The following SYT1 variants were observed in gnomAD, a reference collection of about 807,000 sequenced individuals.
SYT1 encodes the protein synaptotagmin-1.
SYT1 carries 8 observed loss-of-function variants against 44.8 expected under a neutral mutation model. The ratio of observed to expected loss-of-function variants is 0.18; its 90% CI spans 0.10 to 0.32. The LOEUF is 0.32. Among genes scored for constraint, SYT1 ranks in the 10% least tolerant of loss-of-function variants. The pLI is 1.00. For missense variants in SYT1, 286 were observed against 509.3 expected, an observed-to-expected ratio of 0.56 and a Z score of 4.22; for synonymous variants, 154 against 188.8, an observed-to-expected ratio of 0.82 and a Z score of 1.51.
intron 1 of SYT1, among the ~76,000 whole-genome samples, chr12:78,925,211 T>G (rs1405668685): frequency 6.6e-6 from 1 of 151,898 alleles, no homozygotes; most frequent in African/African-American, 2.4e-5. Flanking sequence ...TGTAATTCCC[T>G]TCTCTAATTT....
chr12:78,895,440 G>A (rs1875306908), intron 1 of SYT1, among the ~76,000 whole-genome samples: 1 of 151,548 alleles, frequency 6.6e-6, no homozygotes, highest in Non-Finnish European at 1.5e-5. Flanking sequence ...GCAGACTAAA[G>A]AAAAACACAT....
chr12:79,252,008 A>ATAGATAGATAGC (rs1167457385), intron 4 of SYT1, among the ~76,000 whole-genome samples: 1 of 151,884 alleles, frequency 6.6e-6, no homozygotes, highest in Non-Finnish European at 1.5e-5. Context: ...AGATAGATAG[A>ATAGATAGATAGC]TAATATATAG....
intron 3 of SYT1, among the ~76,000 whole-genome samples, chr12:79,187,534 A>G (rs1039559872): frequency 1.3e-5 from 2 of 152,114 alleles, no homozygotes; most frequent in Non-Finnish European, 2.9e-5. Context: ...TAATTTCCCA[A>G]TTGTAACAGT....
chr12:78,962,976 T>TA (rs967436027), intron 1 of SYT1, among the ~76,000 whole-genome samples: 1 of 152,134 alleles, frequency 6.6e-6, no homozygotes, highest in Non-Finnish European at 1.5e-5. Context: ...CCCTTGCCCC[T>TA]AGTCTCGGGC....
chr12:79,358,369 A>G (rs1377213062), intron 9 of SYT1, among the ~76,000 whole-genome samples: 1 of 152,206 alleles, frequency 6.6e-6, no homozygotes, highest in Non-Finnish European at 1.5e-5. Flanking sequence ...TTAAAAAGTC[A>G]CATTATCAGT....
chr12:79,424,306 A>G (rs1307903133), intron 9 of SYT1, among the ~76,000 whole-genome samples: 5 of 152,052 alleles, frequency 3.3e-5, no homozygotes, highest in African/African-American at 1.2e-4. Flanking sequence ...CCACAGAGAG[A>G]GCCTTTCAAA....
intron 3 of SYT1, among the ~76,000 whole-genome samples, chr12:79,206,677 G>A (rs1393236010): frequency 2.0e-5 from 3 of 152,166 alleles, no homozygotes; most frequent in Admixed American, 1.3e-4. Flanking sequence ...TGTGCAGTTA[G>A]GAATGCACAG....
rs112554917 is a variant in SYT1 at position 78,956,083 on chromosome 12, T to C, written c.-216-21716T>C. On this transcript the variant is annotated intron_variant, in intron 1 of 10. Coordinates refer to ENST00000261205, the MANE Select transcript of SYT1 (RefSeq NM_005639.3). ...AAGGTGCAGTATGAGGGTGCTTTAC[T>C]TCTCTATTGAACACAGATACTTTTT... Among the ~76,000 whole-genome samples the C allele has an allele frequency of 1.4e-3, 208 of 152,108 alleles. 1 individual carries two copies. Among genetic ancestry groups the C allele is most frequent in the Middle Eastern group, 0.01 (3 of 294 alleles).
At chr12:79,315,093 A>G (rs951271826) in intron 8 of SYT1, among the ~76,000 whole-genome samples, 2 of 152,232 alleles carry the variant, frequency 1.3e-5, no homozygotes, top group Non-Finnish European at 2.9e-5. Context: ...TGAATATACT[A>G]AAATCCACCA....
intron 4 of SYT1, among the ~76,000 whole-genome samples, chr12:79,238,190 G>C (rs1311964024): frequency 6.6e-6 from 1 of 152,152 alleles, no homozygotes; most frequent in Admixed American, 6.6e-5. Flanking sequence ...GGTATGGCTG[G>C]AAGAGAAAGC....
chr12:79,015,390 A>C (rs984744710), intron 2 of SYT1, among the ~76,000 whole-genome samples: 3 of 152,042 alleles, frequency 2.0e-5, no homozygotes, highest in Admixed American at 6.5e-5. Flanking sequence ...TAAGTAACCA[A>C]CTTTTTTATT....
intron 8 of SYT1, among the ~76,000 whole-genome samples, chr12:79,324,037 A>C (rs60090058): frequency 7.4e-6 from 1 of 134,818 alleles, no homozygotes; most frequent in Admixed American, 8.6e-5. Context: ...TACCACCTCC[A>C]CCTCCCGTGT....
At chr12:79,280,139 A>G (rs1019197695) in intron 4 of SYT1, among the ~76,000 whole-genome samples, 1 of 152,050 alleles carries the variant, frequency 6.6e-6, no homozygotes, top group Non-Finnish European at 1.5e-5. Context: ...TTAGAAAAAA[A>G]AACACTAAAA....
At chr12:79,005,473 A>G (rs560982013) in intron 2 of SYT1, among the ~76,000 whole-genome samples, 6 of 152,046 alleles carry the variant, frequency 3.9e-5, no homozygotes, top group Non-Finnish European at 8.8e-5. Context: ...AACTCAGGCC[A>G]ATAATAATGT....
At chr12:79,407,654 G>A (rs1055119089) in intron 9 of SYT1, among the ~76,000 whole-genome samples, 12 of 152,012 alleles carry the variant, frequency 7.9e-5, no homozygotes, top group African/African-American at 2.7e-4. Context: ...TTTTAGGTGG[G>A]ATGTATCTAC....
At chr12:78,958,931 T>C (rs1879360462) in intron 1 of SYT1, among the ~76,000 whole-genome samples, 1 of 152,184 alleles carries the variant, frequency 6.6e-6, no homozygotes. Context: ...TCTTATAATA[T>C]GCTAACTCAA....
intron 1 of SYT1, among the ~76,000 whole-genome samples, chr12:78,910,723 A>G (rs775303034): frequency 2.0e-5 from 3 of 152,144 alleles, no homozygotes; most frequent in Non-Finnish European, 2.9e-5. Flanking sequence ...ATTCTACAGA[A>G]GAGGGTAAAA....
chr12:78,875,122 A>G (rs1873999618), intron 1 of SYT1, among the ~76,000 whole-genome samples: 1 of 151,666 alleles, frequency 6.6e-6, no homozygotes. Context: ...GTTTTAACCT[A>G]CATATGCTAC....
At chr12:79,284,847 A>C (rs979747667) in intron 4 of SYT1, among the ~76,000 whole-genome samples, 83 of 152,126 alleles carry the variant, frequency 5.5e-4, no homozygotes, top group Non-Finnish European at 1.0e-3. Context: ...CAAAAAAAAA[A>C]AAAAAAGAAT....
Sources: allele counts gnomAD v4.1 joint callset (sites outside exome capture counted in the v4.1 genomes callset), GRCh38; gene constraint gnomAD v4.1.1; transcripts MANE v1.5; gene names NCBI Gene and HGNC (gene_info 2026-07-23, HGNC 2026-07-21).